Variants in RERE observed in about 807,000 individuals in gnomAD.
RERE encodes the protein arginine-glutamic acid dipeptide repeats protein.
A neutral mutation model predicts 146.1 loss-of-function variants in RERE; 40 were observed. The ratio of observed to expected loss-of-function variants is 0.27; its 90% CI spans 0.21 to 0.36. RERE has a LOEUF of 0.36. Among genes scored for constraint, RERE ranks in the 10% least tolerant of loss-of-function variants. The probability of loss-of-function intolerance (pLI) is 1.00; values close to 1 mark genes in which losing one functional copy is unlikely to be tolerated. For synonymous variants in RERE, 1,003 were observed against 866.0 expected (o/e 1.16, Z -2.78); for missense variants, 1,933 against 2,138.7 (o/e 0.90, Z 1.90).
In RERE at chr1:8,353,938, A is replaced by C. The variant is rs1009898039; in HGVS notation, c.*1149T>G. Reference sequence around the variant, plus strand: ...CAAGATCCAAGTGACAATGCGCATGAGAAGGCAGCCTTCTAACACATCCCT... The same window carrying C: ...CAAGATCCAAGTGACAATGCGCATGCGAAGGCAGCCTTCTAACACATCCCT... On this transcript the variant is annotated 3_prime_UTR_variant, in exon 23 of 23. Transcript: ENST00000400908. The C allele has an allele frequency of 6.6e-6, 1 of 152,620 alleles. No homozygotes were observed. The highest frequency in any genetic ancestry group is 6.5e-5 in the Admixed American group (1 of 15,282). The allele number at this position is 152,620 out of a possible 1,614,324, so 9.5% of individuals were successfully genotyped here.
At chr1:8,458,001 C>T (rs772591298) in intron 11 of RERE, among the ~76,000 whole-genome samples, 3 of 152,106 alleles carry the variant, frequency 2.0e-5, no homozygotes, top group Non-Finnish European at 4.4e-5. Flanking sequence ...TTTTCACTTC[C>T]TGTTTCCTTC....
chr1:8,533,257 C>G (rs1435284298), intron 7 of RERE, among the ~76,000 whole-genome samples: 1 of 152,178 alleles, frequency 6.6e-6, no homozygotes, highest in Non-Finnish European at 1.5e-5. Flanking sequence ...AGGTCCTAGT[C>G]TAGGAGTGCT....
intron 12 of RERE, among the ~76,000 whole-genome samples, chr1:8,382,368 G>A (rs1389281464): frequency 2.0e-5 from 3 of 152,238 alleles, no homozygotes; most frequent in African/African-American, 4.8e-5. Context: ...TCAGGACCAG[G>A]TGGCACTCTC....
intron 6 of RERE, 87 bp from the exon 7 acceptor site, chr1:8,541,405 GAACTAA>G: frequency 1.4e-6 from 1 of 736,666 alleles, no homozygotes; most frequent in Non-Finnish European, 2.3e-6. Context: ...AGGAAGCACT[GAACTAA>G]GTCCATGTGC....
intron 1 of RERE, among the ~76,000 whole-genome samples, chr1:8,660,263 A>C (rs1257287516): frequency 6.6e-6 from 1 of 152,170 alleles, no homozygotes; most frequent in African/African-American, 2.4e-5. Context: ...TCTGCGCCTT[A>C]GTGTACAGTG....
chr1:8,547,973 G>A (rs1020343770), intron 6 of RERE, among the ~76,000 whole-genome samples: 1 of 152,156 alleles, frequency 6.6e-6, no homozygotes, highest in African/African-American at 2.4e-5. Flanking sequence ...ATGCACAAGA[G>A]AGCAGTTATA....
intron 4 of RERE, among the ~76,000 whole-genome samples, chr1:8,578,675 A>G (rs1273396100): frequency 6.6e-6 from 1 of 152,036 alleles, no homozygotes; most frequent in Non-Finnish European, 1.5e-5. Flanking sequence ...GTTTAAATGG[A>G]TTTCTCACCT....
At chr1:8,537,256 TAC>T (rs1484178496) in intron 7 of RERE, among the ~76,000 whole-genome samples, 1 of 152,290 alleles carries the variant, frequency 6.6e-6, no homozygotes, top group East Asian at 1.9e-4. Context: ...CTAGCACTAA[TAC>T]AGAGTCATAA....
chr1:8,456,725 C>T (rs1434031356), intron 11 of RERE, among the ~76,000 whole-genome samples: 1 of 152,180 alleles, frequency 6.6e-6, no homozygotes, highest in Non-Finnish European at 1.5e-5. Flanking sequence ...TCCTGGAACA[C>T]ACTCAGGCAT....
chr1:8,591,629 G>A (rs1272314455), intron 4 of RERE, among the ~76,000 whole-genome samples: 1 of 152,052 alleles, frequency 6.6e-6, no homozygotes, highest in Non-Finnish European at 1.5e-5. Flanking sequence ...GTTGCCTCCT[G>A]GCTAAACCAA....
chr1:8,812,649 A>AAAT (rs537696052), intron 1 of RERE, among the ~76,000 whole-genome samples: 7,918 of 151,980 alleles, frequency 0.052, 217 homozygotes, highest in South Asian at 0.065. Flanking sequence ...CCATCTCGAA[A>AAAT]AATAATAATA....
At chr1:8,374,950 T>A (rs1642182574) in intron 12 of RERE, among the ~76,000 whole-genome samples, 1 of 152,040 alleles carries the variant, frequency 6.6e-6, no homozygotes, top group African/African-American at 2.4e-5. Context: ...TTTGCTGCCT[T>A]CTTCTCCATG....
At position 8,361,882 on chromosome 1, in the gene RERE, G is replaced by A. The variant is rs774361940; in HGVS notation, c.1903-6C>T. The A allele has an allele frequency of 2.8e-5, 45 of 1,606,148 alleles. No homozygotes were observed. The Admixed American group carries it at 7.0e-4, about 25-fold the overall frequency. ...GAGGCTTCCTCCTTCACCTTCTGCA[G>A]GGGAAAAGCCCACAAGGAGCAATCA... is the stretch of plus-strand genomic sequence containing the variant. On this transcript the variant is annotated splice_region_variant and splice_polypyrimidine_tract_variant and intron_variant, in intron 16 of 22. Transcript: ENST00000400908.
At chr1:8,698,508 T>C (rs1360280235) in intron 1 of RERE, among the ~76,000 whole-genome samples, 1 of 152,214 alleles carries the variant, frequency 6.6e-6, no homozygotes, top group Non-Finnish European at 1.5e-5. Context: ...CTTTTGTTCC[T>C]TTGAAGCCCA....
intron 1 of RERE, among the ~76,000 whole-genome samples, chr1:8,760,657 C>T (rs1253126099): frequency 6.6e-6 from 1 of 152,044 alleles, no homozygotes; most frequent in Non-Finnish European, 1.5e-5. Context: ...GCTCTGTCAC[C>T]CAGGATGGTT....
intron 8 of RERE, among the ~76,000 whole-genome samples, chr1:8,507,065 A>C (rs1451596879): frequency 6.6e-6 from 1 of 152,150 alleles, no homozygotes; most frequent in African/African-American, 2.4e-5. Flanking sequence ...GGGAGACAGA[A>C]ACAGAGCCAG....
intron 11 of RERE, chr1:8,434,781 G>C (rs1199744488): frequency 2.0e-5 from 3 of 152,258 alleles, no homozygotes; most frequent in Non-Finnish European, 4.4e-5. Context: ...CACCACGCTG[G>C]AGAGACCATC....
At chr1:8,375,388 T>G (rs1441035157) in intron 12 of RERE, among the ~76,000 whole-genome samples, 1 of 152,258 alleles carries the variant, frequency 6.6e-6, no homozygotes, top group African/African-American at 2.4e-5. Flanking sequence ...CATTTACTGT[T>G]AGGAAAAATG....
At chr1:8,444,813 G>A (rs1020343535) in intron 11 of RERE, among the ~76,000 whole-genome samples, 4 of 151,806 alleles carry the variant, frequency 2.6e-5, no homozygotes, top group Admixed American at 1.3e-4. Flanking sequence ...TTCAGCTTCC[G>A]CCATAAGTAA....
Sources: gnomAD v4.1 joint callset for allele counts (sites outside exome capture counted in the v4.1 genomes callset) on GRCh38, gnomAD v4.1.1 for gene constraint, MANE v1.5 for transcripts, NCBI Gene and HGNC (gene_info 2026-07-23, HGNC 2026-07-21) for gene names.